ALOX5AP: variants seen among roughly 807,000 people sequenced by gnomAD.
ALOX5AP encodes the protein arachidonate 5-lipoxygenase activating protein.
In ALOX5AP, 9 loss-of-function variants were observed where a neutral mutation model predicts 18.5. The ratio of observed to expected loss-of-function variants is 0.49; its 90% CI spans 0.29 to 0.85. ALOX5AP has a LOEUF of 0.85. Ranked by LOEUF, ALOX5AP falls within the 40% of genes least tolerant of loss-of-function variation. ALOX5AP has a pLI of 0.08. For missense variants in ALOX5AP, 172 were observed against 202.5 expected (o/e 0.85, Z 0.91); for synonymous variants, 81 against 78.6 (o/e 1.03, Z -0.16).
chr13:30,754,982 A>G (rs554047995), intron 3 of ALOX5AP, among the ~76,000 whole-genome samples: 40 of 152,350 alleles, frequency 2.6e-4, no homozygotes, highest in Admixed American at 4.6e-4. Context: ...AATTGCTTTT[A>G]TATCTGTAGC....
chr13:30,734,774 C>A (rs930951894), upstream of ALOX5AP, among the ~76,000 whole-genome samples: 1 of 152,152 alleles, frequency 6.6e-6, no homozygotes, highest in Non-Finnish European at 1.5e-5. Context: ...GGTTTGAATT[C>A]TTTGGTTTAA....
chr13:30,735,004 TTG>T (rs2137801296), upstream of ALOX5AP, among the ~76,000 whole-genome samples: 1 of 152,096 alleles, frequency 6.6e-6, no homozygotes, highest in Non-Finnish European at 1.5e-5. Context: ...CATTTTACAT[TTG>T]TGTGTGCGTG....
chr13:30,748,997 G>C (rs1298044022), intron 2 of ALOX5AP, among the ~76,000 whole-genome samples: 1 of 152,250 alleles, frequency 6.6e-6, no homozygotes, highest in Non-Finnish European at 1.5e-5. Context: ...TGCAGCTTTG[G>C]GTAGAAGCTG....
intron 4 of ALOX5AP, among the ~76,000 whole-genome samples, chr13:30,761,062 G>T (rs1166264662): frequency 6.6e-6 from 1 of 152,158 alleles, no homozygotes; most frequent in Non-Finnish European, 1.5e-5. Context: ...TTCGGTATCT[G>T]CCCACCATGC....
upstream of ALOX5AP, among the ~76,000 whole-genome samples, chr13:30,734,515 A>T (rs9315042): frequency 0.036 from 5,443 of 152,274 alleles, 201 homozygotes; most frequent in African/African-American, 0.091. Context: ...TGCATTTTCC[A>T]TGTAACCTCA....
intron 1 of ALOX5AP, chr13:30,713,930 G>T: frequency 7.0e-7 from 1 of 1,425,844 alleles, no homozygotes; most frequent in Non-Finnish European, 9.4e-7. Flanking sequence ...GGCCATGTTC[G>T]GTGGTTTTTA....
chr13:30,736,793 C>G (rs1951725570), intron 1 of ALOX5AP, among the ~76,000 whole-genome samples: 1 of 152,240 alleles, frequency 6.6e-6, no homozygotes, highest in South Asian at 2.1e-4. Flanking sequence ...TACTAAATTA[C>G]ACACAACAAA....
At chr13:30,730,224 A>G (rs1951670482) in intron 1 of ALOX5AP, among the ~76,000 whole-genome samples, 1 of 152,236 alleles carries the variant, frequency 6.6e-6, no homozygotes, top group South Asian at 2.1e-4. Flanking sequence ...CAGCTATAGA[A>G]TGGCATGAGG....
At chr13:30,763,210 A>T (rs545517209) in intron 4 of ALOX5AP, among the ~76,000 whole-genome samples, 1 of 152,336 alleles carries the variant, frequency 6.6e-6, no homozygotes, top group South Asian at 2.1e-4. Context: ...TGGGAGGCTG[A>T]GGCATGAGAA....
chr13:30,760,268 G>T (rs187715115), intron 4 of ALOX5AP, among the ~76,000 whole-genome samples: 27 of 149,340 alleles, frequency 1.8e-4, no homozygotes, highest in Admixed American at 1.3e-3. Context: ...AGTGGAGGAG[G>T]GGGGGTGACT....
upstream of ALOX5AP, among the ~76,000 whole-genome samples, chr13:30,734,117 T>C (rs1951702726): frequency 6.6e-6 from 1 of 152,152 alleles, no homozygotes; most frequent in Admixed American, 6.5e-5. Context: ...AGGAGACTTA[T>C]TTATATATTG....
At position 30,754,629 on chromosome 13, in the gene ALOX5AP, T is replaced by C. The variant is rs529906486; in HGVS notation, c.242-1315T>C. Among the ~76,000 whole-genome samples the C allele has an allele frequency of 1.2e-4, 19 of 152,364 alleles. No homozygotes were observed. The East Asian group carries it at 3.7e-3, about 29-fold the overall frequency. Reference sequence around the variant, plus strand: ...ATCTGAAGCGCAATAAATGTTATTATTGATAATGCAGGTGGTGGTGATAAA... The same window carrying C: ...ATCTGAAGCGCAATAAATGTTATTACTGATAATGCAGGTGGTGGTGATAAA... On this transcript the variant is annotated intron_variant, in intron 3 of 4. Transcript: ENST00000380490.
chr13:30,760,568 C>T (rs1295386487), intron 4 of ALOX5AP, among the ~76,000 whole-genome samples: 1 of 152,192 alleles, frequency 6.6e-6, no homozygotes, highest in African/African-American at 2.4e-5. Flanking sequence ...AAACTAATAA[C>T]CAAATCCTGG....
intron 1 of ALOX5AP, among the ~76,000 whole-genome samples, chr13:30,725,552 C>G (rs1951633195): frequency 6.6e-6 from 1 of 152,222 alleles, no homozygotes; most frequent in African/African-American, 2.4e-5. Flanking sequence ...GAAATCTACG[C>G]CAATATGGCA....
chr13:30,752,390 C>G (rs1951860010), intron 3 of ALOX5AP, among the ~76,000 whole-genome samples: 1 of 152,194 alleles, frequency 6.6e-6, no homozygotes, highest in Admixed American at 6.5e-5. Context: ...CTAAATGTGA[C>G]TCAGAATCCT....
At chr13:30,718,550 T>C (rs1425734567) in intron 1 of ALOX5AP, among the ~76,000 whole-genome samples, 1 of 152,118 alleles carries the variant, frequency 6.6e-6, no homozygotes, top group African/African-American at 2.4e-5. Context: ...GCTCACACCA[T>C]GAACTGCAAA....
At chr13:30,741,391 CTTT>C (rs34793607) in intron 1 of ALOX5AP, among the ~76,000 whole-genome samples, 3 of 128,774 alleles carry the variant, frequency 2.3e-5, no homozygotes, top group Non-Finnish European at 3.3e-5. Context: ...CTTGTTTTGT[CTTT>C]TTTTTTTTTT....
chr13:30,743,473 T>C (rs1280061898), intron 1 of ALOX5AP, among the ~76,000 whole-genome samples: 1 of 151,932 alleles, frequency 6.6e-6, no homozygotes, highest in African/African-American at 2.4e-5. Flanking sequence ...ACCTCCCTCT[T>C]TGGCCTTGTC....
At chr13:30,718,790 C>G (rs1008224803) in intron 1 of ALOX5AP, among the ~76,000 whole-genome samples, 4 of 152,160 alleles carry the variant, frequency 2.6e-5, no homozygotes, top group Non-Finnish European at 4.4e-5. Context: ...AAACCTTGAC[C>G]TTTGAGGTCA....
Sources: allele counts gnomAD v4.1 joint callset (sites outside exome capture counted in the v4.1 genomes callset), GRCh38; gene constraint gnomAD v4.1.1; transcripts MANE v1.5; gene names NCBI Gene and HGNC (gene_info 2026-07-23, HGNC 2026-07-21).